USP15: variants seen among roughly 807,000 people sequenced by gnomAD.
The protein encoded by USP15 is ubiquitin carboxyl-terminal hydrolase 15.
A neutral mutation model predicts 127.1 loss-of-function variants in USP15; 18 were observed. That is an observed-to-expected ratio of 0.14 (90% CI 0.10 to 0.21). The LOEUF (loss-of-function observed/expected upper bound fraction) is 0.21. USP15 is among the 10% of genes least tolerant of loss of function. USP15 has a pLI of 1.00. For missense variants in USP15, 805 were observed against 1,159.9 expected, an observed-to-expected ratio of 0.69 and a Z score of 4.44; for synonymous variants, 364 against 393.7, an observed-to-expected ratio of 0.92 and a Z score of 0.89.
chr12:62,293,564 C>T (rs1223766375), intron 1 of USP15, among the ~76,000 whole-genome samples: 1 of 152,106 alleles, frequency 6.6e-6, no homozygotes, highest in Non-Finnish European at 1.5e-5. Context: ...CGATGTTGGC[C>T]AGGCTGGTCT....
chr12:62,395,794 G>A (rs1277503759), intron 19 of USP15, among the ~76,000 whole-genome samples: 1 of 151,476 alleles, frequency 6.6e-6, no homozygotes, highest in Non-Finnish European at 1.5e-5. Context: ...ATAATCTCCA[G>A]TTCCATCCAT....
At chr12:62,353,919 G>A (rs928156700) in intron 7 of USP15, among the ~76,000 whole-genome samples, 5 of 152,078 alleles carry the variant, frequency 3.3e-5, no homozygotes, top group Middle Eastern at 3.4e-3. Context: ...TAGCAATTCC[G>A]AATTTGAATT....
intron 2 of USP15, among the ~76,000 whole-genome samples, chr12:62,300,575 C>T (rs887226447): frequency 1.8e-5 from 2 of 108,416 alleles, no homozygotes; most frequent in African/African-American, 7.0e-5. Flanking sequence ...CATCAGTTGA[C>T]CAGATTAGAG....
intron 1 of USP15, among the ~76,000 whole-genome samples, chr12:62,277,180 C>T (rs2063517822): frequency 6.6e-6 from 1 of 152,180 alleles, no homozygotes; most frequent in Non-Finnish European, 1.5e-5. Context: ...AACTCACAAG[C>T]TGCAACTCTT....
In USP15 at chr12:62,269,356, ATG is replaced by A. The variant is rs111793054; in HGVS notation, c.89+8865_89+8866del. Among the ~76,000 whole-genome samples, 437 of 150,280 alleles carry A rather than the reference ATG, an allele frequency of 2.9e-3. 1 individual carries two copies. The highest frequency in any genetic ancestry group is 0.01 in the African/African-American group (411 of 39,986). ...TATGTGTGTGTGTATAAATATATAT[ATG>A]TGTGTGTGTGTATATATATATATCT... On this transcript the variant is annotated intron_variant, in intron 1 of 21. Coordinates refer to ENST00000280377, the MANE Select transcript of USP15 (RefSeq NM_001252078.2).
chr12:62,365,539 A>C (rs181483084), intron 8 of USP15, among the ~76,000 whole-genome samples: 8 of 152,144 alleles, frequency 5.3e-5, no homozygotes, highest in Non-Finnish European at 1.2e-4. Flanking sequence ...TTTCCTGTGC[A>C]GAAGCTTTTT....
In USP15 at chr12:62,306,923, T is replaced by C. The variant is rs530110182; in HGVS notation, c.348+4003T>C. 1.1e-4 allele frequency among the ~76,000 whole-genome samples: 16 copies of C among 152,206 alleles called. No individual in the cohort carries two copies. The South Asian group carries it at 3.3e-3, about 32-fold the overall frequency. ...AAGTATTTAAGGGTTAACTTAGAGGTTGTCCTGTCAGTAGTAATATTAATT... is the reference window on the plus strand; with the variant it reads ...AAGTATTTAAGGGTTAACTTAGAGGCTGTCCTGTCAGTAGTAATATTAATT... On this transcript the variant is annotated intron_variant, in intron 3 of 21. Transcript: ENST00000280377.
chr12:62,395,746 G>A (rs2067470634), intron 19 of USP15, among the ~76,000 whole-genome samples: 1 of 151,540 alleles, frequency 6.6e-6, no homozygotes, highest in African/African-American at 2.4e-5. Flanking sequence ...GAGAACATGG[G>A]ATGTTTGTCT....
intron 1 of USP15, among the ~76,000 whole-genome samples, chr12:62,280,566 C>G (rs748335692): frequency 6.6e-6 from 1 of 152,226 alleles, no homozygotes; most frequent in East Asian, 1.9e-4. Context: ...CTCTGGGAGC[C>G]TCTTTTATAA....
intron 14 of USP15, 66 bp from the exon 15 acceptor site, chr12:62,390,798 G>C: frequency 8.4e-7 from 1 of 1,195,972 alleles, no homozygotes; most frequent in South Asian, 1.5e-5. Flanking sequence ...ACTGATAGAA[G>C]GAAAACTTTT....
At chr12:62,401,392 C>A in intron 21 of USP15, 117 bp downstream of exon 21, 1 of 627,342 alleles carries the variant, frequency 1.6e-6, no homozygotes, top group Non-Finnish European at 2.6e-6. Flanking sequence ...GCTTGAGTAG[C>A]TAAAAGACAC....
At chr12:62,353,682 AT>A (rs895357604) in intron 7 of USP15, among the ~76,000 whole-genome samples, 112 of 151,958 alleles carry the variant, frequency 7.4e-4, no homozygotes, top group African/African-American at 2.5e-3. Flanking sequence ...GAAAAACAGG[AT>A]TTTTTTTGTA....
chr12:62,336,166 A>G (rs568533084), intron 6 of USP15: 3 of 985,372 alleles, frequency 3.0e-6, no homozygotes, highest in South Asian at 4.7e-5. Context: ...TAGGTGTTCA[A>G]AATTAGGTGA....
At chr12:62,268,985 T>TA (rs2063272359) in intron 1 of USP15, among the ~76,000 whole-genome samples, 2 of 148,998 alleles carry the variant, frequency 1.3e-5, no homozygotes, top group African/African-American at 2.4e-5. Flanking sequence ...ATATTTTATA[T>TA]AAATGGAATC....
intron 8 of USP15, among the ~76,000 whole-genome samples, chr12:62,363,019 T>C (rs1022166449): frequency 3.9e-5 from 6 of 152,128 alleles, no homozygotes; most frequent in Non-Finnish European, 8.8e-5. Context: ...GAATAATGTA[T>C]GAAGGGGAGT....
At chr12:62,395,309 T>C (rs866805571) in intron 19 of USP15, among the ~76,000 whole-genome samples, 5 of 152,310 alleles carry the variant, frequency 3.3e-5, no homozygotes, top group Middle Eastern at 3.4e-3. Context: ...GAGTTAAATG[T>C]GTTAGCATGA....
intron 2 of USP15, chr12:62,294,542 C>A: frequency 3.3e-6 from 1 of 306,232 alleles, no homozygotes; most frequent in Non-Finnish European, 5.8e-6. Flanking sequence ...GTTGTTTAAA[C>A]CCTTAAATGA....
intron 14 of USP15, among the ~76,000 whole-genome samples, chr12:62,390,344 A>C (rs1385204999): frequency 2.0e-5 from 3 of 152,156 alleles, no homozygotes; most frequent in Non-Finnish European, 4.4e-5. Context: ...ACAAATGTCA[A>C]ATGCTTCATT....
At chr12:62,395,247 T>C (rs779654240) in intron 19 of USP15, among the ~76,000 whole-genome samples, 2 of 152,196 alleles carry the variant, frequency 1.3e-5, no homozygotes, top group Non-Finnish European at 1.5e-5. Flanking sequence ...AAAATAAAGA[T>C]CTACTGGACC....
Sources: gnomAD v4.1 joint callset for allele counts (sites outside exome capture counted in the v4.1 genomes callset) on GRCh38, gnomAD v4.1.1 for gene constraint, MANE v1.5 for transcripts, NCBI Gene and HGNC (gene_info 2026-07-23, HGNC 2026-07-21) for gene names.